INSIG2: variants seen among roughly 807,000 people sequenced by gnomAD.
INSIG2 encodes the protein insulin induced gene 2, also known as insulin-induced gene 2 protein.
In INSIG2, 10 loss-of-function variants were observed where a neutral mutation model predicts 27.2. That is an observed-to-expected ratio of 0.37 (90% confidence interval 0.23 to 0.62). The LOEUF is 0.62. INSIG2 is among the 20% of genes least tolerant of loss of function. The pLI is 0.65. For synonymous variants in INSIG2, 97 were observed against 95.8 expected, an observed-to-expected ratio of 1.01 and a Z score of -0.07; for missense variants, 178 against 270.2, an observed-to-expected ratio of 0.66 and a Z score of 2.39.
chr2:118,107,232 G>T, intron 5 of INSIG2, 43 bp downstream of exon 5: 1 of 1,394,680 alleles, frequency 7.2e-7, no homozygotes, highest in Non-Finnish European at 1.0e-6. Flanking sequence ...TGGAACAAAT[G>T]ACAAGTTTTC....
chr2:118,089,578 A>G (rs971301535), intron 1 of INSIG2, among the ~76,000 whole-genome samples: 7 of 151,348 alleles, frequency 4.6e-5, no homozygotes, highest in African/African-American at 1.7e-4. Context: ...GGCCCCAAAG[A>G]AAACAAAAAT....
chr2:118,105,714 AAG>A (rs909140098), intron 3 of INSIG2, among the ~76,000 whole-genome samples: 23 of 152,102 alleles, frequency 1.5e-4, no homozygotes, highest in African/African-American at 5.6e-4. Flanking sequence ...AATGGTGAAA[AAG>A]AGTGTTAAAG....
At chr2:118,098,097 T>C (rs1008909826) in intron 2 of INSIG2, among the ~76,000 whole-genome samples, 1 of 152,238 alleles carries the variant, frequency 6.6e-6, no homozygotes, top group African/African-American at 2.4e-5. Context: ...AATTAAATTG[T>C]ATCACTCTGC....
At chr2:118,099,359 A>G (rs1678487067) in intron 2 of INSIG2, among the ~76,000 whole-genome samples, 2 of 152,168 alleles carry the variant, frequency 1.3e-5, no homozygotes, top group Admixed American at 1.3e-4. Flanking sequence ...GTTATTTGCC[A>G]CCTTTCTCTA....
chr2:118,103,426 C>G, intron 3 of INSIG2, 105 bp downstream of exon 3: 1 of 920,788 alleles, frequency 1.1e-6, no homozygotes, highest in East Asian at 2.5e-5. Context: ...TATGATATGC[C>G]CACTTAGTCA....
chr2:118,090,360 T>C (rs998985292), intron 1 of INSIG2, among the ~76,000 whole-genome samples: 1 of 152,184 alleles, frequency 6.6e-6, no homozygotes, highest in African/African-American at 2.4e-5. Context: ...CTAGAAGATT[T>C]TGTATGTGTG....
chr2:118,097,407 T>C (rs907645807), intron 2 of INSIG2, among the ~76,000 whole-genome samples: 3 of 152,256 alleles, frequency 2.0e-5, no homozygotes, highest in Non-Finnish European at 4.4e-5. Flanking sequence ...TAAAGCTTCA[T>C]GTTGTATTTT....
At position 118,108,290 on chromosome 2, in the gene INSIG2, A is replaced by G; in HGVS notation, c.646A>G (p.Lys216Glu). The change falls in exon 6 of 6, where the codon AAA becomes GAA. Residue 216 changes from lysine to glutamate, a missense_variant. Coordinates refer to ENST00000245787, the MANE Select transcript of INSIG2 (RefSeq NM_016133.4). ...IGRQLAMYEC[K>E]VIAEKSHQE Reference sequence around the variant, plus strand: ...CTTTTAATTTTTGCAGTACGAATGTAAAGTTATCGCAGAAAAATCTCATCA... The same window carrying G: ...CTTTTAATTTTTGCAGTACGAATGTGAAGTTATCGCAGAAAAATCTCATCA... The G allele has an allele frequency of 6.3e-7, 1 of 1,593,694 alleles. No individual in the cohort carries two copies. The highest frequency in any genetic ancestry group is 8.5e-7 in the Non-Finnish European group (1 of 1,170,148).
chr2:118,108,387 C>A lies in INSIG2; in HGVS notation c.*65C>A. On this transcript the variant is annotated 3_prime_UTR_variant, in exon 6 of 6. Transcript: ENST00000245787. ...AAAAGGATGTGAAATGGTAGATATA[C>A]CAACAAAACTTCAGACTGTAAAATT... The A allele has an allele frequency of 1.6e-6, 2 of 1,253,542 alleles. No homozygotes were observed. Among genetic ancestry groups the A allele is most frequent in the Non-Finnish European group, 1.1e-6 (1 of 870,380 alleles). The allele number at this position is 1,253,542 out of a possible 1,614,324, so 77.7% of individuals were successfully genotyped here. A position where few individuals can be genotyped will look rare whatever the true frequency, so the allele number is the denominator to read the frequency against.
At chr2:118,099,569 CAAAG>C (rs1361914229) in intron 2 of INSIG2, among the ~76,000 whole-genome samples, 1 of 152,070 alleles carries the variant, frequency 6.6e-6, no homozygotes, top group Admixed American at 6.5e-5. Context: ...TTGAGGGCCA[CAAAG>C]AAATCTTTCT....
At chr2:118,098,461 G>A (rs1321939688) in intron 2 of INSIG2, among the ~76,000 whole-genome samples, 1 of 152,198 alleles carries the variant, frequency 6.6e-6, no homozygotes, top group Non-Finnish European at 1.5e-5. Context: ...GAGCCAGTGA[G>A]TGGTGTGACT....
chr2:118,094,794 A>G (rs765341699), intron 1 of INSIG2, among the ~76,000 whole-genome samples: 8 of 152,188 alleles, frequency 5.3e-5, no homozygotes, highest in South Asian at 2.1e-4. Context: ...AGTTATTTGT[A>G]ATTCAGCCCC....
In INSIG2 at chr2:118,109,290, G is replaced by C; in HGVS notation, c.*968G>C. 6.6e-6 allele frequency: 1 copy of C among 152,174 alleles called. No individual in the cohort carries two copies. Among genetic ancestry groups the C allele is most frequent in the East Asian group, 1.9e-4 (1 of 5,198 alleles). 9.4% of individuals were successfully genotyped at this position (152,174 alleles called of 1,614,324 possible). On this transcript the variant is annotated 3_prime_UTR_variant, in exon 6 of 6. Coordinates refer to ENST00000245787, the MANE Select transcript of INSIG2 (RefSeq NM_016133.4). ...ATTGGGTTCTGTGAAGCAAACCACT[G>C]TAGCTTTAGCTGGGTTCAGTCATAT... is the stretch of plus-strand genomic sequence containing the variant.
At position 118,109,082 on chromosome 2, in the gene INSIG2, A is replaced by G. The variant is rs568779736; in HGVS notation, c.*760A>G. ...TATAATTAAAAGTAAGGAACATTAG[A>G]GGATTTAATTAGAATAAATACATGT... is the stretch of plus-strand genomic sequence containing the variant. On this transcript the variant is annotated 3_prime_UTR_variant, in exon 6 of 6. Coordinates refer to ENST00000245787, the MANE Select transcript of INSIG2 (RefSeq NM_016133.4). 7.2e-5 allele frequency: 11 copies of G among 152,362 alleles called. No homozygotes were observed. The East Asian group carries it at 2.1e-3, about 29-fold the overall frequency. The allele number at this position is 152,362 out of a possible 1,614,324, so 9.4% of individuals were successfully genotyped here. A position where few individuals can be genotyped will look rare whatever the true frequency, so the allele number is the denominator to read the frequency against.
At chr2:118,093,849 G>C (rs1341440903) in intron 1 of INSIG2, among the ~76,000 whole-genome samples, 1 of 41,646 alleles carries the variant, frequency 2.4e-5, no homozygotes, top group Non-Finnish European at 5.2e-5. Flanking sequence ...AAAGCAACCA[G>C]ATGATGATGA....
In INSIG2 at chr2:118,108,445, T is replaced by C; in HGVS notation, c.*123T>C. The C allele has an allele frequency of 1.6e-6, 1 of 643,906 alleles. No homozygotes were observed. 39.9% of individuals were successfully genotyped at this position (643,906 alleles called of 1,614,324 possible). A position where few individuals can be genotyped will look rare whatever the true frequency, so the allele number is the denominator to read the frequency against. On this transcript the variant is annotated 3_prime_UTR_variant, in exon 6 of 6. Transcript: ENST00000245787. ...TGCAGTTTTCCCCTTGATTGGCGTG[T>C]GTGTATATATGGATAAATATATATA... is the stretch of plus-strand genomic sequence containing the variant.
intron 3 of INSIG2, among the ~76,000 whole-genome samples, chr2:118,106,295 G>A (rs1206563013): frequency 1.3e-5 from 2 of 152,194 alleles, no homozygotes; most frequent in African/African-American, 4.8e-5. Context: ...TCAAGTTCCT[G>A]TACGATTCTC....
At position 118,088,961 on chromosome 2, in the gene INSIG2, A is replaced by C. The variant is rs1202579290; in HGVS notation, c.-139+420A>C. Among the ~76,000 whole-genome samples the C allele has an allele frequency of 1.5e-4, 23 of 152,348 alleles. No individual in the cohort carries two copies. In the East Asian group the frequency reaches 4.4e-3, roughly 29 times the overall value. ...TCAGACTTGGGCGGGGATTGGATCCAAAGAAGACAGGTTGTCGTAGTAAGT... is the reference window on the plus strand; with the variant it reads ...TCAGACTTGGGCGGGGATTGGATCCCAAGAAGACAGGTTGTCGTAGTAAGT... On this transcript the variant is annotated intron_variant, in intron 1 of 5. Coordinates refer to ENST00000245787, the MANE Select transcript of INSIG2 (RefSeq NM_016133.4).
At chr2:118,107,502 G>A (rs760900717) in intron 5 of INSIG2, among the ~76,000 whole-genome samples, 5 of 152,136 alleles carry the variant, frequency 3.3e-5, no homozygotes, top group Admixed American at 1.3e-4. Flanking sequence ...AGTTTTAAAA[G>A]TTAAAAAGGT....
Sources: gnomAD v4.1 joint callset for allele counts (sites outside exome capture counted in the v4.1 genomes callset) on GRCh38, gnomAD v4.1.1 for gene constraint, MANE v1.5 for transcripts, NCBI Gene and HGNC (gene_info 2026-07-23, HGNC 2026-07-21) for gene names.